The following DNAJC27 variants were observed in gnomAD, a reference collection of about 807,000 sequenced individuals.
The protein encoded by DNAJC27 is dnaJ homolog subfamily C member 27.
A neutral mutation model predicts 31.4 loss-of-function variants in DNAJC27; 25 were observed. The observed-to-expected ratio is 0.80, with a 90% CI of 0.58 to 1.11. DNAJC27 has a LOEUF of 1.11. Ranked by LOEUF, DNAJC27 falls within the 50% of genes most tolerant of loss-of-function variation. The pLI, the probability that DNAJC27 is intolerant of heterozygous loss-of-function variation, is 0.00. For missense variants in DNAJC27, 356 were observed against 347.3 expected, an observed-to-expected ratio of 1.02 and a Z score of -0.20; for synonymous variants, 106 against 112.7, an observed-to-expected ratio of 0.94 and a Z score of 0.37.
At position 24,945,106 on chromosome 2, in the gene DNAJC27, CTG is replaced by C. The variant is rs534679408; in HGVS notation, c.*2508_*2509del. 188 of 152,232 alleles carry C rather than the reference CTG, an allele frequency of 1.2e-3. 1 individual carries two copies. Among genetic ancestry groups the C allele is most frequent in the African/African-American group, 4.4e-3 (181 of 41,562 alleles). The allele number at this position is 152,232 out of a possible 1,614,324, so 9.4% of individuals were successfully genotyped here. On this transcript the variant is annotated 3_prime_UTR_variant, in exon 7 of 7. Transcript: ENST00000264711. ...AGAATTTAAATTAATGCATAGATGT[CTG>C]TGAAATTCTGCATGAAGTTAGTGCC...
intron 1 of DNAJC27, chr2:24,969,171 A>G: frequency 4.6e-6 from 1 of 216,048 alleles, no homozygotes; most frequent in Non-Finnish European, 1.0e-5. Flanking sequence ...AATTCTTAAG[A>G]TGCTATTGCC....
At chr2:24,970,303 A>G (rs1453529408) in intron 1 of DNAJC27, among the ~76,000 whole-genome samples, 2 of 152,154 alleles carry the variant, frequency 1.3e-5, no homozygotes, top group African/African-American at 4.8e-5. Flanking sequence ...ATTAGCAAAT[A>G]ATGTTAATTT....
intron 2 of DNAJC27, 81 bp from the exon 3 acceptor site, chr2:24,963,555 G>A: frequency 8.3e-7 from 1 of 1,197,770 alleles, no homozygotes; most frequent in Non-Finnish European, 1.2e-6. Context: ...AATTTCAAAA[G>A]GATATGTGTA....
chr2:24,965,561 T>C (rs1666161310), intron 2 of DNAJC27, among the ~76,000 whole-genome samples: 1 of 152,122 alleles, frequency 6.6e-6, no homozygotes, highest in African/African-American at 2.4e-5. Flanking sequence ...AAGCCAGAAA[T>C]GTGAATTTCA....
At chr2:24,947,831 C>T in intron 6 of DNAJC27, 83 bp from the exon 7 acceptor site, 1 of 1,454,328 alleles carries the variant, frequency 6.9e-7, no homozygotes, top group Non-Finnish European at 9.3e-7. Context: ...CACATAGTAT[C>T]TCTTACAGTG....
rs1665641589 is a variant in DNAJC27 at position 24,946,051 on chromosome 2, A to C, written c.*1565T>G. ...AATGTGAATTAGTGTGGTTGCAGCT[A>C]AAAGTATGAGTGATGTAACAAGAAT... On this transcript the variant is annotated 3_prime_UTR_variant, in exon 7 of 7. Transcript: ENST00000264711. 6.6e-6 allele frequency: 1 copy of C among 152,202 alleles called. No homozygotes were observed. The highest frequency in any genetic ancestry group is 1.5e-5 in the Non-Finnish European group (1 of 68,042). The allele number at this position is 152,202 out of a possible 1,614,324, so 9.4% of individuals were successfully genotyped here.
At chr2:24,971,101 G>C (rs1666323769) in intron 1 of DNAJC27, among the ~76,000 whole-genome samples, 1 of 152,302 alleles carries the variant, frequency 6.6e-6, no homozygotes, top group Middle Eastern at 3.4e-3. Flanking sequence ...GAAAGAATTT[G>C]AGTGAAGAGG....
chr2:24,962,626 A>T (rs1456144401), intron 3 of DNAJC27, among the ~76,000 whole-genome samples: 1 of 152,218 alleles, frequency 6.6e-6, no homozygotes, highest in East Asian at 1.9e-4. Context: ...AAATACATTG[A>T]ACTGAATGAA....
At chr2:24,960,967 T>C (rs954642295) in intron 3 of DNAJC27, among the ~76,000 whole-genome samples, 1 of 152,240 alleles carries the variant, frequency 6.6e-6, no homozygotes, top group Non-Finnish European at 1.5e-5. Context: ...AGATTTTCAA[T>C]GCAGATGAAA....
chr2:24,957,401 C>T (rs1665933429), intron 4 of DNAJC27, among the ~76,000 whole-genome samples: 1 of 152,132 alleles, frequency 6.6e-6, no homozygotes. Flanking sequence ...CCACCTGATC[C>T]CTTGGGAAAA....
intron 5 of DNAJC27, among the ~76,000 whole-genome samples, chr2:24,955,792 A>G (rs1315459192): frequency 2.0e-5 from 3 of 152,232 alleles, no homozygotes; most frequent in African/African-American, 4.8e-5. Flanking sequence ...TAAAGTGTTG[A>G]AAAAAATCTC....
intron 1 of DNAJC27, chr2:24,969,495 CTTTTTA>C: frequency 5.8e-6 from 1 of 171,064 alleles, no homozygotes; most frequent in Non-Finnish European, 1.3e-5. Flanking sequence ...TTTTTTTTTT[CTTTTTA>C]GAGTCTCACT....
At chr2:24,967,120 C>T (rs1666204174) in intron 2 of DNAJC27, 91 bp downstream of exon 2, 2 of 940,224 alleles carry the variant, frequency 2.1e-6, no homozygotes, top group Non-Finnish European at 3.4e-6. Context: ...TTCAAGATTA[C>T]CTACACAAGA....
At chr2:24,956,928 G>T in intron 5 of DNAJC27, 115 bp downstream of exon 5, 1 of 1,261,266 alleles carries the variant, frequency 7.9e-7, no homozygotes, top group Non-Finnish European at 1.1e-6. Context: ...TCTTTGAAAA[G>T]AAAGAGCTTA....
intron 3 of DNAJC27, among the ~76,000 whole-genome samples, chr2:24,962,403 G>A (rs768447105): frequency 9.2e-5 from 14 of 152,060 alleles, no homozygotes; most frequent in East Asian, 3.9e-4. Context: ...TTACAGGGAT[G>A]TGCCACCACA....
chr2:24,959,531 CAAAGTTCCAACTTTCTCAAATGATGTTA>C, intron 3 of DNAJC27, among the ~76,000 whole-genome samples: 1 of 152,274 alleles, frequency 6.6e-6, no homozygotes, highest in East Asian at 1.9e-4. Flanking sequence ...AACTATTCTC[CAAAGTTCCAACTTTCTCAAATGATGTTA>C]AAAGTTTCTG....
At chr2:24,951,319 T>G (rs988871035) in intron 6 of DNAJC27, 75 bp downstream of exon 6, 9 of 1,431,010 alleles carry the variant, frequency 6.3e-6, no homozygotes, top group African/African-American at 5.7e-5. Flanking sequence ...GAGGAAGATA[T>G]ACTGCACCTA....
intron 4 of DNAJC27, 50 bp from the exon 5 acceptor site, chr2:24,957,215 C>A: frequency 6.5e-7 from 1 of 1,529,088 alleles, no homozygotes; most frequent in Non-Finnish European, 8.7e-7. Context: ...TCTTGTCCTA[C>A]TAGAATGGAC....
At chr2:24,953,696 T>A (rs1254588794) in intron 5 of DNAJC27, 1 of 192,264 alleles carries the variant, frequency 5.2e-6, no homozygotes, top group African/African-American at 2.4e-5. Flanking sequence ...TAGTTGTGTA[T>A]CAGTAAGACT....
Sources: allele counts gnomAD v4.1 joint callset (sites outside exome capture counted in the v4.1 genomes callset), GRCh38; gene constraint gnomAD v4.1.1; transcripts MANE v1.5; gene names NCBI Gene and HGNC (gene_info 2026-07-23, HGNC 2026-07-21).